Variants in CBX1 observed in about 807,000 individuals in gnomAD.
CBX1 encodes chromobox protein homolog 1.
CBX1 carries 10 observed loss-of-function variants against 25.1 expected under a neutral mutation model. The observed-to-expected ratio is 0.40, with a 90% CI of 0.25 to 0.68. The LOEUF is 0.68. CBX1 is among the 30% of genes least tolerant of loss of function. CBX1 has a pLI of 0.40. For synonymous variants in CBX1, 63 were observed against 79.4 expected (o/e 0.79, Z 1.10); for missense variants, 106 against 218.5 (o/e 0.49, Z 3.25).
At chr17:48,093,060 A>C (rs2063352313) in intron 1 of CBX1, among the ~76,000 whole-genome samples, 1 of 139,094 alleles carries the variant, frequency 7.2e-6, no homozygotes, top group South Asian at 2.4e-4. Flanking sequence ...GCAAGAGCAA[A>C]ACTCTGTCTC....
At position 48,071,309 on chromosome 17, in the gene CBX1, A is replaced by T. The variant is rs1392184502; in HGVS notation, c.*126T>A. 3 of 968,536 alleles carry T rather than the reference A, an allele frequency of 3.1e-6. No individual in the cohort carries two copies. The highest frequency in any genetic ancestry group is 3.3e-5 in the African/African-American group (2 of 60,932). 60.0% of individuals were successfully genotyped at this position (968,536 alleles called of 1,614,324 possible). On this transcript the variant is annotated 3_prime_UTR_variant, in exon 5 of 5. Coordinates refer to ENST00000225603, the MANE Select transcript of CBX1 (RefSeq NM_001127228.2). ...GCACTTGGGCTGCTGCAGGGCACAGAAACTATACTGGCTCTTCAAAGGACA... is the reference window on the plus strand; with the variant it reads ...GCACTTGGGCTGCTGCAGGGCACAGTAACTATACTGGCTCTTCAAAGGACA...
intron 1 of CBX1, among the ~76,000 whole-genome samples, chr17:48,100,137 C>CAAAAAAAAAAAAAAAA (rs543123998): frequency 2.1e-4 from 12 of 56,872 alleles, no homozygotes; most frequent in African/African-American, 3.0e-4. Flanking sequence ...AGACTCTTCT[C>CAAAAAAAAAAAAAAAA]AAAAAAAAAA....
chr17:48,070,151 TA>T lies in CBX1; in HGVS notation c.*1283del, dbSNP rs1272633550. 3 of 152,678 alleles carry T rather than the reference TA, an allele frequency of 2.0e-5. No homozygotes were observed. Among genetic ancestry groups the T allele is most frequent in the Non-Finnish European group, 2.9e-5 (2 of 68,050 alleles). The allele number at this position is 152,678 out of a possible 1,614,324, so 9.5% of individuals were successfully genotyped here. ...TTTACACAGAAATCTAACACATGCCTAAAAGAATTTTACAACGTAGCTCTAG... is the reference window on the plus strand; with the variant it reads ...TTTACACAGAAATCTAACACATGCCTAAAGAATTTTACAACGTAGCTCTAG... On this transcript the variant is annotated 3_prime_UTR_variant, in exon 5 of 5. Transcript: ENST00000225603.
At chr17:48,093,873 A>G (rs1007118433) in intron 1 of CBX1, among the ~76,000 whole-genome samples, 9 of 152,058 alleles carry the variant, frequency 5.9e-5, no homozygotes, top group Admixed American at 3.9e-4. Flanking sequence ...TAATCCCAGC[A>G]CTATGGGAGG....
At chr17:48,088,648 C>A (rs1243131515) in intron 1 of CBX1, 1 of 150,666 alleles carries the variant, frequency 6.6e-6, no homozygotes, top group African/African-American at 2.4e-5. Flanking sequence ...ATAAAAATTT[C>A]TTACTTTTGA....
intron 1 of CBX1, among the ~76,000 whole-genome samples, chr17:48,082,136 G>A (rs2144443928): frequency 6.6e-6 from 1 of 152,058 alleles, no homozygotes; most frequent in East Asian, 1.9e-4. Context: ...AGCACAGGAG[G>A]TTGAGGCTGC....
chr17:48,098,373 C>T (rs1216346948), intron 1 of CBX1, among the ~76,000 whole-genome samples: 1 of 152,230 alleles, frequency 6.6e-6, no homozygotes, highest in African/African-American at 2.4e-5. Context: ...AACTACTATG[C>T]ACATTAATTT....
intron 1 of CBX1, among the ~76,000 whole-genome samples, chr17:48,087,737 T>C (rs1025873279): frequency 6.6e-6 from 1 of 151,696 alleles, no homozygotes; most frequent in Non-Finnish European, 1.5e-5. Flanking sequence ...CCGGGCATAG[T>C]GGCACACGCA....
chr17:48,099,470 C>T (rs1207057837), intron 1 of CBX1, among the ~76,000 whole-genome samples: 1 of 152,094 alleles, frequency 6.6e-6, no homozygotes, highest in Non-Finnish European at 1.5e-5. Context: ...AATATCACCA[C>T]AGGGAAAACC....
At chr17:48,079,708 T>C (rs1424513864) in intron 1 of CBX1, among the ~76,000 whole-genome samples, 1 of 152,076 alleles carries the variant, frequency 6.6e-6, no homozygotes, top group African/African-American at 2.4e-5. Flanking sequence ...TTGCCCAGGC[T>C]TGTTTCAAAC....
At position 48,070,140 on chromosome 17, in the gene CBX1, T is replaced by C. The variant is rs560226581; in HGVS notation, c.*1295A>G. ...TTTAAACAAAGTTTACACAGAAATC[T>C]AACACATGCCTAAAAGAATTTTACA... On this transcript the variant is annotated 3_prime_UTR_variant, in exon 5 of 5. Coordinates refer to ENST00000225603, the MANE Select transcript of CBX1 (RefSeq NM_001127228.2). The C allele has an allele frequency of 6.5e-6, 1 of 152,780 alleles. No homozygotes were observed. The highest frequency in any genetic ancestry group is 1.9e-4 in the East Asian group (1 of 5,196). 9.5% of individuals were successfully genotyped at this position (152,780 alleles called of 1,614,324 possible).
chr17:48,082,858 C>A (rs1208046915), intron 1 of CBX1, among the ~76,000 whole-genome samples: 2 of 135,492 alleles, frequency 1.5e-5, no homozygotes, highest in Non-Finnish European at 3.1e-5. Flanking sequence ...TTTTTAATGA[C>A]ACAATTATCT....
rs78623391 is a variant in CBX1 at position 48,098,430 on chromosome 17, A to G, written c.-38+2838T>C. Among the ~76,000 whole-genome samples, 1,326 of 152,338 alleles carry G rather than the reference A, an allele frequency of 8.7e-3. 22 individuals carry two copies. Among genetic ancestry groups the G allele is most frequent in the African/African-American group, 0.031 (1,275 of 41,568 alleles). On this transcript the variant is annotated intron_variant, in intron 1 of 4. Coordinates refer to ENST00000225603, the MANE Select transcript of CBX1 (RefSeq NM_001127228.2). ...CTCAAAGCTCCCCTATTCATCATTC[A>G]TTCATCAACAATCTGAACGGCCTAC...
intron 1 of CBX1, among the ~76,000 whole-genome samples, chr17:48,094,003 A>G (rs947939747): frequency 1.3e-5 from 2 of 150,276 alleles, no homozygotes; most frequent in Non-Finnish European, 2.9e-5. Flanking sequence ...AATCCCAGCT[A>G]CTCCAGAGGC....
intron 1 of CBX1, among the ~76,000 whole-genome samples, chr17:48,095,235 A>G (rs2063367415): frequency 6.6e-6 from 1 of 152,060 alleles, no homozygotes; most frequent in Non-Finnish European, 1.5e-5. Flanking sequence ...TTACTTGCAC[A>G]TACAATTAAA....
intron 1 of CBX1, among the ~76,000 whole-genome samples, chr17:48,080,954 ATATATATATATATAT>A (rs2037730486): frequency 1.2e-3 from 22 of 18,518 alleles, no homozygotes; most frequent in Non-Finnish European, 1.8e-3. Flanking sequence ...AAAAAAAAAT[ATATATATATATATAT>A]ATATATATAT....
In CBX1 at chr17:48,075,983, TCTTA is replaced by T. The variant is rs762581737; in HGVS notation, c.318+14_318+17del. ...GTTTGAATTGTGGGCTAGTAAAAAT[TCTTA>T]CTTCTATTCTTACCTCTTCTTTCTT... On this transcript the variant is annotated intron_variant, in intron 3 of 4. Transcript: ENST00000225603. The T allele has an allele frequency of 1.3e-6, 2 of 1,536,438 alleles. No homozygotes were observed. Among genetic ancestry groups the T allele is most frequent in the Non-Finnish European group, 1.8e-6 (2 of 1,128,554 alleles).
chr17:48,101,408 C>A lies in CBX1; in HGVS notation c.-178G>T. ...CGTCCCTCACTGAAGCGGCGTACCGCAGGCCCCGGCCAACGGCCCTCCCCT... is the reference window on the plus strand; with the variant it reads ...CGTCCCTCACTGAAGCGGCGTACCGAAGGCCCCGGCCAACGGCCCTCCCCT... On this transcript the variant is annotated 5_prime_UTR_variant, in exon 1 of 5. Transcript: ENST00000225603. The A allele has an allele frequency of 1.0e-6, 1 of 985,526 alleles. No homozygotes were observed. The highest frequency in any genetic ancestry group is 1.2e-6 in the Non-Finnish European group (1 of 829,982). 61.0% of individuals were successfully genotyped at this position (985,526 alleles called of 1,614,324 possible).
rs892417528 is a variant in CBX1 at position 48,100,965 on chromosome 17, A to G, written c.-38+303T>C. On this transcript the variant is annotated intron_variant, in intron 1 of 4. Transcript: ENST00000225603. ...CTATCCCGCAGCCGCCCAGCCAAGC[A>G]ACATTGTTCCAGACCACCCGGGCCC... 20 of 986,274 alleles carry G rather than the reference A, an allele frequency of 2.0e-5. No homozygotes were observed. The South Asian group carries it at 5.6e-4, about 28-fold the overall frequency. 61.1% of individuals were successfully genotyped at this position (986,274 alleles called of 1,614,324 possible).
Sources: allele counts gnomAD v4.1 joint callset (sites outside exome capture counted in the v4.1 genomes callset), GRCh38; gene constraint gnomAD v4.1.1; transcripts MANE v1.5; gene names NCBI Gene and HGNC (gene_info 2026-07-23, HGNC 2026-07-21).